The following RAD51B variants were observed in gnomAD, a reference collection of about 807,000 sequenced individuals.
RAD51B encodes the protein DNA repair protein RAD51 homolog 2.
RAD51B carries 38 observed loss-of-function variants against 42.2 expected under a neutral mutation model. The observed-to-expected ratio is 0.90, with a 90% confidence interval of 0.70 to 1.18. RAD51B has a LOEUF of 1.18. Among genes scored for constraint, RAD51B ranks in the 50% most tolerant of loss-of-function variants. The pLI is 0.00. For missense variants in RAD51B, 373 were observed against 400.7 expected (o/e 0.93, Z 0.59); for synonymous variants, 154 against 145.2 (o/e 1.06, Z -0.43).
intron 4 of RAD51B, among the ~76,000 whole-genome samples, chr14:67,842,489 C>T (rs2041462118): frequency 6.6e-6 from 1 of 152,192 alleles, no homozygotes; most frequent in South Asian, 2.1e-4. Context: ...CTTGCCTCAG[C>T]CTTTCAAGTA....
At chr14:67,905,788 A>G (rs909754989) in intron 7 of RAD51B, among the ~76,000 whole-genome samples, 4 of 152,102 alleles carry the variant, frequency 2.6e-5, no homozygotes, top group Non-Finnish European at 5.9e-5. Flanking sequence ...TGCTCAAGTC[A>G]TTTATCAGAT....
chr14:68,609,099 C>T (rs1294186869), intron 10 of RAD51B, among the ~76,000 whole-genome samples: 5 of 152,186 alleles, frequency 3.3e-5, no homozygotes, highest in South Asian at 2.1e-4. Context: ...CTTGTGCCCC[C>T]GCCTCTCCCT....
chr14:68,505,619 C>T lies in RAD51B; in HGVS notation c.1036+37369C>T, dbSNP rs1164978310. On this transcript the variant is annotated intron_variant, in intron 10 of 10. Transcript: ENST00000487270. The stretch of plus-strand genomic sequence containing the variant: ...AGGCTGGAGGGCAGTGGCATGATCT[C>T]GGCTCACTGCAACCTCTACCTCTCT... Among the ~76,000 whole-genome samples the T allele has an allele frequency of 4.9e-5, 7 of 144,028 alleles. No homozygotes were observed. The East Asian group carries it at 6.2e-4, about 13-fold the overall frequency. The allele number at this position is 144,028 out of a possible 152,430, so 94.5% of individuals were successfully genotyped here. A position where few individuals can be genotyped will look rare whatever the true frequency, so the allele number is the denominator to read the frequency against.
intron 11 of RAD51B, among the ~76,000 whole-genome samples, chr14:68,680,637 C>T (rs1029325769): frequency 6.6e-6 from 1 of 152,062 alleles, no homozygotes; most frequent in East Asian, 1.9e-4. Flanking sequence ...GATGGCCACA[C>T]CCTTTGTTAA....
At chr14:68,665,583 G>A (rs1318487062) in intron 11 of RAD51B, among the ~76,000 whole-genome samples, 1 of 152,210 alleles carries the variant, frequency 6.6e-6, no homozygotes, top group Non-Finnish European at 1.5e-5. Flanking sequence ...AAGGGAAGAC[G>A]CTTTACTAAT....
At chr14:68,066,320 TA>T (rs11324156) in intron 7 of RAD51B, among the ~76,000 whole-genome samples, 9,907 of 151,856 alleles carry the variant, frequency 0.065, 784 homozygotes, top group African/African-American at 0.19. Context: ...TGGTAAAATT[TA>T]AAAAAAAGAT....
chr14:68,034,735 CTT>C (rs2076095576), intron 7 of RAD51B, among the ~76,000 whole-genome samples: 1 of 152,068 alleles, frequency 6.6e-6, no homozygotes, highest in Non-Finnish European at 1.5e-5. Context: ...AGGTAAATCT[CTT>C]GTTTTAAGTT....
intron 7 of RAD51B, among the ~76,000 whole-genome samples, chr14:68,170,200 A>C (rs1031373181): frequency 1.3e-5 from 2 of 152,144 alleles, no homozygotes; most frequent in Admixed American, 6.5e-5. Context: ...TTCCTAGGAA[A>C]ATGTTGGTGG....
intron 7 of RAD51B, among the ~76,000 whole-genome samples, chr14:68,250,771 A>C (rs1428990107): frequency 6.6e-6 from 1 of 152,172 alleles, no homozygotes; most frequent in Non-Finnish European, 1.5e-5. Flanking sequence ...GGTCTAACAG[A>C]AGAAAAAAGG....
chr14:68,468,037 GGT>G, intron 9 of RAD51B, 133 bp from the exon 10 acceptor site: 1 of 726,392 alleles, frequency 1.4e-6, no homozygotes, highest in Non-Finnish European at 2.3e-6. Context: ...GTTATAAAAT[GGT>G]TTTTTTTTTT....
chr14:68,240,734 G>A (rs1173839644), intron 7 of RAD51B, among the ~76,000 whole-genome samples: 1 of 152,080 alleles, frequency 6.6e-6, no homozygotes, highest in Non-Finnish European at 1.5e-5. Context: ...TTGCCTTGAT[G>A]TTTTTCTTCC....
At chr14:68,382,384 T>TCTCACTCAAGGTGAGATCAGTGATGTCAC (rs1160797372) in intron 8 of RAD51B, among the ~76,000 whole-genome samples, 10 of 152,190 alleles carry the variant, frequency 6.6e-5, no homozygotes, top group African/African-American at 2.2e-4. Flanking sequence ...CACTCAAGGT[T>TCTCACTCAAGGTGAGATCAGTGATGTCAC]TTATCTTTGA....
chr14:68,411,612 G>GC, intron 9 of RAD51B, 85 bp downstream of exon 9: 2 of 1,301,000 alleles, frequency 1.5e-6, no homozygotes, highest in Middle Eastern at 1.9e-4. Context: ...GAAAATGCTG[G>GC]CCGCATTGTC....
chr14:68,232,049 G>A (rs1391551057), intron 7 of RAD51B, among the ~76,000 whole-genome samples: 1 of 152,042 alleles, frequency 6.6e-6, no homozygotes, highest in Non-Finnish European at 1.5e-5. Context: ...AAGTAAAAGG[G>A]CAAGAAAATG....
intron 7 of RAD51B, among the ~76,000 whole-genome samples, chr14:68,142,991 A>C (rs2767364): frequency 2.7e-5 from 4 of 147,596 alleles, no homozygotes; most frequent in Non-Finnish European, 6.0e-5. Context: ...TGTCTCAAGG[A>C]AAAAAAAAAG....
At chr14:68,591,190 G>A (rs1890724215) in intron 10 of RAD51B, among the ~76,000 whole-genome samples, 1 of 152,224 alleles carries the variant, frequency 6.6e-6, no homozygotes, top group Non-Finnish European at 1.5e-5. Context: ...ACAGGAGAGT[G>A]AGTTGGGTCC....
chr14:67,983,283 C>G (rs1450747852), intron 7 of RAD51B, among the ~76,000 whole-genome samples: 1 of 151,548 alleles, frequency 6.6e-6, no homozygotes, highest in Non-Finnish European at 1.5e-5. Flanking sequence ...TAAGTAAGCT[C>G]AAATCTCATT....
chr14:68,453,918 T>C (rs1245279692), intron 9 of RAD51B, among the ~76,000 whole-genome samples: 1 of 151,886 alleles, frequency 6.6e-6, no homozygotes, highest in Non-Finnish European at 1.5e-5. Flanking sequence ...GAGAAGAAAA[T>C]AGAGATAATG....
intron 5 of RAD51B, among the ~76,000 whole-genome samples, chr14:67,870,957 A>G (rs987409090): frequency 4.7e-5 from 7 of 149,294 alleles, no homozygotes; most frequent in African/African-American, 1.8e-4. Context: ...GGAAATTTAT[A>G]GCACTAAATG....
Sources: gnomAD v4.1 joint callset for allele counts (sites outside exome capture counted in the v4.1 genomes callset) on GRCh38, gnomAD v4.1.1 for gene constraint, MANE v1.5 for transcripts, NCBI Gene and HGNC (gene_info 2026-07-23, HGNC 2026-07-21) for gene names.